Variants in CSMD1 observed in about 807,000 individuals in gnomAD.
CSMD1 encodes the protein CUB and sushi domain-containing protein 1.
CSMD1 carries 213 observed loss-of-function variants against 417.5 expected under a neutral mutation model. The observed-to-expected ratio is 0.51, with a 90% CI of 0.46 to 0.57. The LOEUF (loss-of-function observed/expected upper bound fraction) is 0.57, where lower values mean the gene tolerates loss of function less well. CSMD1 is among the 20% of genes least tolerant of loss of function. CSMD1 has a pLI of 0.00. For missense variants in CSMD1, 6,923 were observed against 4,529.7 expected (o/e 1.53, Z -15.17); for synonymous variants, 2,862 against 1,736.8 (o/e 1.65, Z -16.11).
At chr8:3,802,704 C>T (rs924846800) in intron 5 of CSMD1, among the ~76,000 whole-genome samples, 2 of 152,144 alleles carry the variant, frequency 1.3e-5, no homozygotes, top group Non-Finnish European at 2.9e-5. Flanking sequence ...AAATATAGTG[C>T]TTGACAATTT....
intron 34 of CSMD1, among the ~76,000 whole-genome samples, chr8:3,189,355 C>G (rs1303485092): frequency 6.6e-6 from 1 of 152,224 alleles, no homozygotes; most frequent in South Asian, 2.1e-4. Context: ...GTTTTCTCTT[C>G]TCCATGCAGA....
rs28696024 is a variant in CSMD1, at chr8:3,432,788, A to G, written c.1562-23183T>C. Among the ~76,000 whole-genome samples the G allele has an allele frequency of 8.4e-3, 1,284 of 152,306 alleles. 17 individuals are homozygous for G. The highest frequency in any genetic ancestry group is 0.029 in the African/African-American group (1,218 of 41,576). ...CTTGGCCTCCCAAAGTCCTGGGATT[A>G]CAGGCATGAGCCACTACACATGGCC... On this transcript the variant is annotated intron_variant, in intron 12 of 69. Transcript: ENST00000635120.
chr8:3,633,331 G>A (rs920954819), intron 7 of CSMD1, among the ~76,000 whole-genome samples: 10 of 152,180 alleles, frequency 6.6e-5, no homozygotes, highest in African/African-American at 2.4e-4. Context: ...AAGACTCAGA[G>A]GTGCACTGTG....
chr8:4,530,307 G>C (rs776621015), intron 2 of CSMD1, among the ~76,000 whole-genome samples: 2 of 89,076 alleles, frequency 2.2e-5, no homozygotes, highest in African/African-American at 6.5e-5. Flanking sequence ...TTATCGTACA[G>C]GTAGTGCTTT....
chr8:3,851,781 C>G (rs1030772172), intron 5 of CSMD1, among the ~76,000 whole-genome samples: 5 of 152,090 alleles, frequency 3.3e-5, no homozygotes. Flanking sequence ...GAAGTGACCA[C>G]AAGTCAGGTG....
In CSMD1 at chr8:3,931,795, T is replaced by C. The variant is rs1479651123; in HGVS notation, c.818+66108A>G. Among the ~76,000 whole-genome samples, 6 of 148,066 alleles carry C rather than the reference T, an allele frequency of 4.1e-5. 1 individual carries two copies. Among genetic ancestry groups the C allele is most frequent in the Non-Finnish European group, 9.0e-5 (6 of 66,980 alleles). ...CACCTAAGACCCCACTAAGGAATAT[T>C]AAGTGGGCAATGGGACTTCCTATTC... On this transcript the variant is annotated intron_variant, in intron 5 of 69. Transcript: ENST00000635120.
At chr8:3,683,397 C>T (rs1323955674) in intron 7 of CSMD1, among the ~76,000 whole-genome samples, 1 of 151,980 alleles carries the variant, frequency 6.6e-6, no homozygotes. Context: ...ATCCTTATCA[C>T]TAAAGTAATT....
chr8:4,227,138 A>C (rs573299767), intron 3 of CSMD1, among the ~76,000 whole-genome samples: 1 of 152,268 alleles, frequency 6.6e-6, no homozygotes, highest in East Asian at 1.9e-4. Flanking sequence ...AGGGTTTTTT[A>C]GCCCAGAAAG....
chr8:4,857,240 C>G (rs542534299), intron 1 of CSMD1, among the ~76,000 whole-genome samples: 12 of 147,276 alleles, frequency 8.1e-5, no homozygotes, highest in African/African-American at 2.7e-4. Context: ...CACAACATAC[C>G]AGAATCTCTG....
chr8:4,441,886 T>G (rs1389009200), intron 2 of CSMD1, among the ~76,000 whole-genome samples: 2 of 152,206 alleles, frequency 1.3e-5, no homozygotes, highest in East Asian at 3.9e-4. Context: ...TAAAGTATGC[T>G]GCTACAATTT....
At chr8:4,061,213 G>A (rs191849884) in intron 3 of CSMD1, among the ~76,000 whole-genome samples, 1 of 152,152 alleles carries the variant, frequency 6.6e-6, no homozygotes, top group South Asian at 2.1e-4. Context: ...TAGGAACCCA[G>A]CCCTGCTGAT....
chr8:4,433,220 CA>C (rs750523343), intron 2 of CSMD1, among the ~76,000 whole-genome samples: 5 of 152,128 alleles, frequency 3.3e-5, no homozygotes, highest in African/African-American at 1.2e-4. Context: ...AATAATATTA[CA>C]AATAAAGTGC....
chr8:4,605,462 G>C (rs910083135), intron 2 of CSMD1, among the ~76,000 whole-genome samples: 5 of 152,122 alleles, frequency 3.3e-5, no homozygotes, highest in Non-Finnish European at 7.3e-5. Context: ...TCCTGATTAT[G>C]ATGATTCATC....
intron 7 of CSMD1, among the ~76,000 whole-genome samples, chr8:3,677,480 C>T (rs1334503301): frequency 5.9e-5 from 9 of 152,172 alleles, no homozygotes; most frequent in Admixed American, 5.2e-4. Flanking sequence ...CAGATCTGAG[C>T]ACCACAGAAG....
At chr8:4,583,063 C>G (rs373361114) in intron 2 of CSMD1, among the ~76,000 whole-genome samples, 3 of 152,210 alleles carry the variant, frequency 2.0e-5, no homozygotes, top group Admixed American at 6.5e-5. Context: ...GCTGCCTTCC[C>G]GCGGGGCAGG....
intron 43 of CSMD1, among the ~76,000 whole-genome samples, chr8:3,109,556 G>T (rs1272098032): frequency 6.6e-6 from 1 of 151,960 alleles, no homozygotes; most frequent in Non-Finnish European, 1.5e-5. Flanking sequence ...AAATGAGCCC[G>T]TCATTCTGCA....
At chr8:3,337,497 T>C (rs2117578335) in intron 23 of CSMD1, among the ~76,000 whole-genome samples, 1 of 152,262 alleles carries the variant, frequency 6.6e-6, no homozygotes, top group South Asian at 2.1e-4. Context: ...TTGGCAGTCT[T>C]GCCTAAACAA....
intron 5 of CSMD1, among the ~76,000 whole-genome samples, chr8:3,901,629 TA>T (rs528110075): frequency 1.7e-3 from 265 of 152,330 alleles, no homozygotes; most frequent in African/African-American, 6.2e-3. Context: ...ACCACCGAAG[TA>T]AAACAGTATC....
chr8:4,461,311 A>G (rs1204899929), intron 2 of CSMD1, among the ~76,000 whole-genome samples: 2 of 152,030 alleles, frequency 1.3e-5, no homozygotes, highest in Admixed American at 6.5e-5. Context: ...TCTGCCTAAA[A>G]TCAGCAATAA....
Sources: allele counts gnomAD v4.1 joint callset (sites outside exome capture counted in the v4.1 genomes callset), GRCh38; gene constraint gnomAD v4.1.1; transcripts MANE v1.5; gene names NCBI Gene and HGNC (gene_info 2026-07-23, HGNC 2026-07-21).